Variants in CTC1 observed in about 807,000 individuals in gnomAD.
The protein encoded by CTC1 is CST telomere replication complex component 1, also known as CST complex subunit CTC1.
A neutral mutation model predicts 136.3 loss-of-function variants in CTC1; 91 were observed. That is an observed-to-expected ratio of 0.67 (90% CI 0.56 to 0.79). The LOEUF (loss-of-function observed/expected upper bound fraction) is 0.79. Among genes scored for constraint, CTC1 ranks in the 30% least tolerant of loss-of-function variants. The probability of loss-of-function intolerance (pLI) is 0.00; values close to 1 mark genes in which losing one functional copy is unlikely to be tolerated. For missense variants in CTC1, 1,432 were observed against 1,498.1 expected, an observed-to-expected ratio of 0.96 and a Z score of 0.73; for synonymous variants, 606 against 613.8, an observed-to-expected ratio of 0.99 and a Z score of 0.19.
chr17:8,241,506 AGAGGCAGGAGAATCACTTGAACCCAG>A (rs1042204860), intron 2 of CTC1, among the ~76,000 whole-genome samples: 2 of 150,232 alleles, frequency 1.3e-5, no homozygotes, highest in Admixed American at 1.3e-4. Flanking sequence ...CAGCTACTCA[AGAGGCAGGAGAATCACTTGAACCCAG>A]GAGGCAGAGG....
chr17:8,244,166 A>T (rs898956046), intron 1 of CTC1, among the ~76,000 whole-genome samples: 9 of 152,232 alleles, frequency 5.9e-5, no homozygotes, highest in Non-Finnish European at 1.0e-4. Flanking sequence ...GCAGAGTATA[A>T]TTTTTAATCA....
In CTC1 at chr17:8,238,163, T is replaced by G; in HGVS notation, c.515A>C (p.Asn172Thr). The change falls in exon 4 of 23, where the codon AAT becomes ACT. Residue 172 changes from asparagine to threonine, a missense_variant. By Grantham distance (65) the Asn-to-Thr change is moderately conservative (BLOSUM62 0). Coordinates refer to ENST00000651323, the MANE Select transcript of CTC1 (RefSeq NM_025099.6). ...RWSYLPPARW[N>T]SSGEGHLELW... ...CTCCAAGTGCCCTTCCCCTGAGGAA[T>G]TCCACCTGGCAGGAGGGAGGTAACT... The G allele has an allele frequency of 1.2e-6, 2 of 1,614,052 alleles. No homozygotes were observed. Among genetic ancestry groups the G allele is most frequent in the South Asian group, 2.2e-5 (2 of 91,072 alleles).
Position 8,230,061 on chromosome 17 carries a change from A to G in CTC1, c.2934-93T>C, listed in dbSNP as rs59940552. On this transcript the variant is annotated intron_variant, in intron 17 of 22. Coordinates refer to ENST00000651323, the MANE Select transcript of CTC1 (RefSeq NM_025099.6). ...AGAGATCAAGCACCACAGAGTGGCC[A>G]CTCCCCCTGAGGGACATATCCTAGC... 1.2e-3 allele frequency: 1,510 copies of G among 1,238,936 alleles called. 24 individuals carry two copies. The African/African-American group carries it at 0.021, about 17-fold the overall frequency. The allele number at this position is 1,238,936 out of a possible 1,614,324, so 76.7% of individuals were successfully genotyped here. A position where few individuals can be genotyped will look rare whatever the true frequency, so the allele number is the denominator to read the frequency against.
In CTC1 at chr17:8,226,659, A is replaced by C. The variant is rs757866349; in HGVS notation, c.*1521T>G. 6 of 152,224 alleles carry C rather than the reference A, an allele frequency of 3.9e-5. No homozygotes were observed. The highest frequency in any genetic ancestry group is 1.3e-4 in the Admixed American group (2 of 15,282). 9.4% of individuals were successfully genotyped at this position (152,224 alleles called of 1,614,324 possible). A position where few individuals can be genotyped will look rare whatever the true frequency, so the allele number is the denominator to read the frequency against. On this transcript the variant is annotated 3_prime_UTR_variant, in exon 23 of 23. Transcript: ENST00000651323. ...CGCGGGGAGACCCCAATGGATTTCT[A>C]GTCCATCGCCTTAACCACTCGGCCA... is the stretch of plus-strand genomic sequence containing the variant.
At chr17:8,237,274 GTCC>G in intron 5 of CTC1, 98 bp downstream of exon 5, 2 of 1,355,364 alleles carry the variant, frequency 1.5e-6, no homozygotes, top group Non-Finnish European at 1.0e-6. Flanking sequence ...CTCCCCAGCT[GTCC>G]TCCTTTCCTA....
At chr17:8,228,929 A>G (rs73244850) in intron 20 of CTC1, 37 bp from the exon 21 acceptor site, 1 of 1,580,306 alleles carries the variant, frequency 6.3e-7, no homozygotes, top group Non-Finnish European at 8.6e-7. Context: ...CGCCTATAGC[A>G]ACCCAGGTTG....
intron 1 of CTC1, chr17:8,247,780 GTGA>G (rs1214764694): frequency 6.9e-6 from 4 of 583,024 alleles, no homozygotes; most frequent in Admixed American, 6.1e-5. Flanking sequence ...ACCCTAGAGA[GTGA>G]ACGGAGACCA....
chr17:8,232,222 T>C lies in CTC1; in HGVS notation c.2066A>G (p.Tyr689Cys), dbSNP rs746737465. ...GFIQKQQARV[Y>C]VQFFLADALI... ...GGCATCAGCCAGAAAGAACTGGACATAGACTCTGTTGGGAGAGACAAGGAA... is the reference window on the plus strand; with the variant it reads ...GGCATCAGCCAGAAAGAACTGGACACAGACTCTGTTGGGAGAGACAAGGAA... Residue 689 changes from tyrosine (Y) to cysteine (C), a missense_variant, in exon 13 of 23, where the codon TAT becomes TGT. Coordinates refer to ENST00000651323, the MANE Select transcript of CTC1 (RefSeq NM_025099.6). The C allele has an allele frequency of 5.2e-6, 8 of 1,532,180 alleles. No individual in the cohort carries two copies. Among genetic ancestry groups the C allele is most frequent in the Non-Finnish European group, 6.1e-6 (7 of 1,143,208 alleles). The allele number at this position is 1,532,180 out of a possible 1,614,324, so 94.9% of individuals were successfully genotyped here. A position where few individuals can be genotyped will look rare whatever the true frequency, so the allele number is the denominator to read the frequency against.
rs1042624966 is a variant in CTC1 at position 8,231,744 on chromosome 17, G to T, written c.2457C>A (p.Leu819=). 6.2e-7 allele frequency: 1 copy of T among 1,614,092 alleles called. No homozygotes were observed. The highest frequency in any genetic ancestry group is 8.5e-7 in the Non-Finnish European group (1 of 1,179,944). ...CACTCACAGCGGGGCCAGGAGCTAT[G>T]AGTCGGTACACCTGTCCCGGGTGCA... ...EFLHPGQVYR[L]IAPGPATPML... is the part of the protein sequence containing the mutation. The change falls in exon 14 of 23, where the codon CTC becomes CTA. Residue 819 remains leucine, a synonymous_variant. Transcript: ENST00000651323.
rs915437353 is a variant in CTC1 at position 8,238,104 on chromosome 17, T to C, written c.574A>G (p.Thr192Ala). The change falls in exon 4 of 23, where the codon ACC becomes GCC. Residue 192 changes from threonine (T) to alanine (A), a missense_variant. Coordinates refer to ENST00000651323, the MANE Select transcript of CTC1 (RefSeq NM_025099.6). The stretch of plus-strand genomic sequence containing the variant: ...GGCGTGACGGGGCCAGGACTGATGG[T>C]CAAAGGAAACACTGGCACAGGGGCA... The part of the protein sequence containing the change: ...WDAPVPVFPL[T>A]ISPGPVTPIP... 1.9e-6 allele frequency: 3 copies of C among 1,613,920 alleles called. No individual in the cohort carries two copies. The African/African-American group carries it at 4.0e-5, about 22-fold the overall frequency.
rs1987637430 is a variant in CTC1 at position 8,235,508 on chromosome 17, G to A, written c.1207-223C>T. ...TCTTGCTGTGGGCTGGGTGGCTCCT[G>A]GATGAACAGACATGGCTGAGGCTTC... On this transcript the variant is annotated intron_variant, in intron 7 of 22. Transcript: ENST00000651323. The A allele has an allele frequency of 3.7e-5, 22 of 598,088 alleles. 1 individual carries two copies. In the South Asian group the frequency reaches 4.1e-4, roughly 11 times the overall value. 37.0% of individuals were successfully genotyped at this position (598,088 alleles called of 1,614,324 possible).
intron 2 of CTC1, among the ~76,000 whole-genome samples, chr17:8,240,862 G>A (rs1988156705): frequency 6.6e-6 from 1 of 151,992 alleles, no homozygotes; most frequent in African/African-American, 2.4e-5. Context: ...GGCCACAAGA[G>A]CGAAATTCCA....
intron 15 of CTC1, 153 bp from the exon 16 acceptor site, chr17:8,230,804 A>C: frequency 1.5e-6 from 1 of 652,060 alleles, no homozygotes; most frequent in Non-Finnish European, 2.7e-6. Flanking sequence ...ACTGCACACT[A>C]AGAGTAACAG....
chr17:8,243,868 T>G (rs1810214229), intron 1 of CTC1, among the ~76,000 whole-genome samples: 1 of 152,128 alleles, frequency 6.6e-6, no homozygotes, highest in Non-Finnish European at 1.5e-5. Context: ...GTCCAGGAGT[T>G]CAAGTACAGC....
At position 8,234,581 on chromosome 17, in the gene CTC1, C is replaced by G; in HGVS notation, c.1692G>C (p.Trp564Cys). 1.9e-6 allele frequency: 3 copies of G among 1,606,740 alleles called. No individual in the cohort carries two copies. The South Asian group carries it at 3.3e-5, about 18-fold the overall frequency. ...TLKEEGQRKAWASFDPKALLP... is the reference protein window; with the variant it reads ...TLKEEGQRKACASFDPKALLP... ...GAAGGGCCTTAGGGTCAAAGGAGGC[C>G]CAGGCCTTACGCTGTCCTTCTTCTT... Residue 564 changes from tryptophan (W) to cysteine (C), a missense_variant, in exon 10 of 23, where the codon TGG becomes TGC. Physicochemically the swap from Trp to Cys is radical, Grantham distance 215. Coordinates refer to ENST00000651323, the MANE Select transcript of CTC1 (RefSeq NM_025099.6).
In CTC1 at chr17:8,226,293, A is replaced by C. The variant is rs1040195924; in HGVS notation, c.*1887T>G. ...GTTTACTAGACAGGCGCTTTAACCA[A>C]CTAAGCCACGGCGCCGAAGCTGCCA... On this transcript the variant is annotated 3_prime_UTR_variant, in exon 23 of 23. Coordinates refer to ENST00000651323, the MANE Select transcript of CTC1 (RefSeq NM_025099.6). 6.6e-6 allele frequency: 1 copy of C among 152,234 alleles called. No individual in the cohort carries two copies. The highest frequency in any genetic ancestry group is 2.4e-5 in the African/African-American group (1 of 41,434). 9.4% of individuals were successfully genotyped at this position (152,234 alleles called of 1,614,324 possible).
In CTC1 at chr17:8,231,780, C is replaced by G; in HGVS notation, c.2421G>C (p.Trp807Cys). Residue 807 changes from tryptophan to cysteine, a missense_variant, in exon 14 of 23, where the codon TGG (tryptophan) becomes TGC (cysteine). Transcript: ENST00000651323. ...HLIFFGSSVR[W>C]FEFLHPGQVY... ...CCTGTCCCGGGTGCAAGAACTCAAA[C>G]CAGCGGACTGAAGAGCCAAAGAAAA... 6.2e-7 allele frequency: 1 copy of G among 1,614,196 alleles called. No homozygotes were observed.
intron 7 of CTC1, 177 bp from the exon 8 acceptor site, chr17:8,235,462 T>A (rs1242631298): frequency 1.6e-6 from 1 of 612,168 alleles, no homozygotes; most frequent in Non-Finnish European, 2.9e-6. Flanking sequence ...TCAGCCTTCA[T>A]CTCCCATGAG....
Position 8,228,329 on chromosome 17 carries a change from G to A in CTC1, c.3515-10C>T, listed in dbSNP as rs200225342. The A allele has an allele frequency of 1.4e-4, 219 of 1,613,090 alleles. No homozygotes were observed. Among genetic ancestry groups the A allele is most frequent in the Non-Finnish European group, 1.7e-4 (205 of 1,179,370 alleles). ...TGTAGCCGAGGAGGTTCTGAGGTGG[G>A]AAGAGAGGAAAAACACACGTCTCAG... is the stretch of plus-strand genomic sequence containing the variant. On this transcript the variant is annotated splice_polypyrimidine_tract_variant and intron_variant, in intron 22 of 22. Coordinates refer to ENST00000651323, the MANE Select transcript of CTC1 (RefSeq NM_025099.6).
Sources: gnomAD v4.1 joint callset for allele counts (sites outside exome capture counted in the v4.1 genomes callset) on GRCh38, gnomAD v4.1.1 for gene constraint, MANE v1.5 for transcripts, NCBI Gene and HGNC (gene_info 2026-07-23, HGNC 2026-07-21) for gene names.